Variants in POF1B observed in about 807,000 individuals in gnomAD.
The protein encoded by POF1B is POF1B actin binding protein.
In POF1B, 53 loss-of-function variants were observed where a neutral mutation model predicts 55.3. That is an observed-to-expected ratio of 0.96 (90% CI 0.77 to 1.20). The LOEUF is 1.20. POF1B is among the 50% of genes most tolerant of loss of function. The pLI is 0.00. For synonymous variants in POF1B, 188 were observed against 148.3 expected, an observed-to-expected ratio of 1.27 and a Z score of -1.95; for missense variants, 478 against 420.5, an observed-to-expected ratio of 1.14 and a Z score of -1.20.
intron 4 of POF1B, among the ~76,000 whole-genome samples, chrX:85,352,021 G>C (rs1021335037): frequency 9.0e-6 from 1 of 110,722 alleles, no homozygotes; most frequent in Middle Eastern, 4.6e-3. Flanking sequence ...ATTAAGAGCA[G>C]AGTAGAGGCT....
intron 15 of POF1B, among the ~76,000 whole-genome samples, chrX:85,282,784 G>C (rs1376701510): frequency 9.0e-6 from 1 of 111,222 alleles, no homozygotes; most frequent in Admixed American, 9.6e-5. Context: ...CATAGATAGA[G>C]AGAGGTCAGG....
intron 5 of POF1B, among the ~76,000 whole-genome samples, 184 bp downstream of exon 5, chrX:85,351,166 A>G (rs1933378555): frequency 9.0e-6 from 1 of 110,935 alleles, no homozygotes; most frequent in Admixed American, 9.6e-5. Flanking sequence ...GGACAATAAT[A>G]CTTCACATGA....
chrX:85,318,960 G>C (rs1039076595), intron 7 of POF1B, among the ~76,000 whole-genome samples: 1 of 111,843 alleles, frequency 8.9e-6, no homozygotes, highest in African/African-American at 3.2e-5. Context: ...GCTTTGGGCA[G>C]TATTGCCATT....
chrX:85,319,936 C>A (rs1169510918), intron 7 of POF1B, among the ~76,000 whole-genome samples: 1 of 110,959 alleles, frequency 9.0e-6, no homozygotes, highest in African/African-American at 3.3e-5. Context: ...AGAGTTTCAG[C>A]AGAAATGATA....
chrX:85,345,529 A>G (rs1933251897), intron 6 of POF1B, among the ~76,000 whole-genome samples: 1 of 111,359 alleles, frequency 9.0e-6, no homozygotes, highest in African/African-American at 3.2e-5. Flanking sequence ...CTTCCAATTT[A>G]TTGTTCATTT....
chrX:85,354,098 A>T (rs1289687580), intron 4 of POF1B, among the ~76,000 whole-genome samples: 1 of 110,895 alleles, frequency 9.0e-6, no homozygotes, highest in Admixed American at 9.7e-5. Context: ...GTAGGCCATT[A>T]ACCTTATTGG....
chrX:85,361,530 C>T (rs1933618749), intron 3 of POF1B, among the ~76,000 whole-genome samples: 1 of 110,959 alleles, frequency 9.0e-6, no homozygotes, highest in East Asian at 2.9e-4. Flanking sequence ...AGGTGTGCGG[C>T]CTTTTTTCTG....
intron 2 of POF1B, among the ~76,000 whole-genome samples, chrX:85,376,029 C>A (rs1221173908): frequency 9.0e-6 from 1 of 111,415 alleles, no homozygotes; most frequent in Non-Finnish European, 1.9e-5. Flanking sequence ...TATGTCTGTC[C>A]TAAAAATGAA....
At chrX:85,374,566 C>G (rs865934658) in intron 2 of POF1B, among the ~76,000 whole-genome samples, 11 of 112,199 alleles carry the variant, frequency 9.8e-5, no homozygotes, top group African/African-American at 3.6e-4. Context: ...GACTAATATA[C>G]AGTATAATAT....
At chrX:85,339,710 G>A (rs1268279600) in intron 6 of POF1B, among the ~76,000 whole-genome samples, 3 of 110,917 alleles carry the variant, frequency 2.7e-5, no homozygotes, top group Non-Finnish European at 5.7e-5. Flanking sequence ...TTTTTCAGAT[G>A]AAGGGAACAA....
chrX:85,300,324 T>G (rs774085138), intron 15 of POF1B, among the ~76,000 whole-genome samples: 2 of 111,614 alleles, frequency 1.8e-5, no homozygotes, highest in South Asian at 7.6e-4. Flanking sequence ...GAGCTATAAA[T>G]TGCCTACCAG....
Position 85,314,472 on chromosome X carries a change from A to G in POF1B, c.917T>C (p.Leu306Ser). The G allele has an allele frequency of 8.3e-7, 1 of 1,200,041 alleles. No individual in the cohort carries two copies. The highest frequency in any genetic ancestry group is 3.0e-5 in the East Asian group (1 of 33,005). ...TATTTGCTGTTTTGTAAACTCTGAT[A>G]ATCCTTTAGGAATCAATGATTCAAT... is the stretch of plus-strand genomic sequence containing the variant. Reference protein sequence around the residue: ...EDIESLIPKGLSEFTKQQIRY... With the variant: ...EDIESLIPKGSSEFTKQQIRY... The change falls in exon 9 of 17, where the codon TTA becomes TCA. Residue 306 changes from leucine to serine, a missense_variant. By Grantham distance (145) the Leu-to-Ser change is moderately radical (BLOSUM62 -2). Transcript: ENST00000262753.
chrX:85,280,330 C>T (rs954063549), intron 16 of POF1B, among the ~76,000 whole-genome samples: 7 of 111,449 alleles, frequency 6.3e-5, no homozygotes, highest in Non-Finnish European at 1.1e-4. Flanking sequence ...CTGCAGAATA[C>T]TGGATTGATA....
intron 6 of POF1B, among the ~76,000 whole-genome samples, chrX:85,341,745 T>A (rs1212280550): frequency 9.0e-6 from 1 of 111,098 alleles, no homozygotes; most frequent in Non-Finnish European, 1.9e-5. Context: ...TGAAATTCTA[T>A]CATTGGTGAA....
At chrX:85,368,824 C>T (rs747774658) in intron 2 of POF1B, among the ~76,000 whole-genome samples, 42 of 111,609 alleles carry the variant, frequency 3.8e-4, no homozygotes, top group Non-Finnish European at 6.8e-4. Flanking sequence ...GAAATGATGG[C>T]GTTACTCAAT....
At chrX:85,337,553 TTC>T (rs1933098751) in intron 6 of POF1B, among the ~76,000 whole-genome samples, 2 of 111,709 alleles carry the variant, frequency 1.8e-5, no homozygotes, top group African/African-American at 6.5e-5. Flanking sequence ...TGGTGGAAGC[TTC>T]TCTTTGTCCA....
At chrX:85,309,834 G>T (rs771038614) in intron 9 of POF1B, among the ~76,000 whole-genome samples, 4 of 111,725 alleles carry the variant, frequency 3.6e-5, no homozygotes, top group Non-Finnish European at 7.5e-5. Flanking sequence ...GATGGTGTCA[G>T]AAAAGACAGA....
chrX:85,379,312 A>C lies in POF1B; in HGVS notation c.143T>G (p.Val48Gly). The change falls in exon 2 of 17, where the codon GTG (valine) becomes GGG (glycine). Residue 48 changes from valine to glycine, a missense_variant. By Grantham distance (109) the Val-to-Gly change is moderately radical (BLOSUM62 -3). Coordinates refer to ENST00000262753, the MANE Select transcript of POF1B (RefSeq NM_024921.4). Reference protein sequence around the residue: ...QAQQPPEKNVVYERVRTYSGP... With the variant: ...QAQQPPEKNVGYERVRTYSGP... ...ACTGTAGGTCCTCACTCGCTCATAC[A>C]CTACATTTTTTTCTGGAGGCTGCTG... is the stretch of plus-strand genomic sequence containing the variant. 1 of 1,210,309 alleles carries C rather than the reference A, an allele frequency of 8.3e-7. No homozygotes were observed. Among genetic ancestry groups the C allele is most frequent in the Non-Finnish European group, 1.1e-6 (1 of 895,235 alleles).
chrX:85,323,726 T>C (rs1932866468), intron 7 of POF1B, among the ~76,000 whole-genome samples: 1 of 111,520 alleles, frequency 9.0e-6, no homozygotes, highest in African/African-American at 3.3e-5. Flanking sequence ...TCAGTTCAGC[T>C]TGAATTTGGT....
Sources: gnomAD v4.1 joint callset for allele counts (sites outside exome capture counted in the v4.1 genomes callset) on GRCh38, gnomAD v4.1.1 for gene constraint, MANE v1.5 for transcripts, NCBI Gene and HGNC (gene_info 2026-07-23, HGNC 2026-07-21) for gene names.